The following PCDHA3 variants were observed in gnomAD, a reference collection of about 807,000 sequenced individuals.
PCDHA3 encodes protocadherin alpha-3.
In PCDHA3, 41 loss-of-function variants were observed where a neutral mutation model predicts 62.2. The ratio of observed to expected loss-of-function variants is 0.66; its 90% CI spans 0.51 to 0.86. The LOEUF (loss-of-function observed/expected upper bound fraction) is 0.86. Ranked by LOEUF, PCDHA3 falls within the 40% of genes least tolerant of loss-of-function variation. The pLI is 0.00. For synonymous variants in PCDHA3, 640 were observed against 555.4 expected, an observed-to-expected ratio of 1.15 and a Z score of -2.14; for missense variants, 1,304 against 1,241.2, an observed-to-expected ratio of 1.05 and a Z score of -0.76.
chr5:140,944,984 T>A (rs972607288), intron 1 of PCDHA3, among the ~76,000 whole-genome samples: 6 of 152,184 alleles, frequency 3.9e-5, no homozygotes, highest in Non-Finnish European at 8.8e-5. Context: ...GTGGGTCTAC[T>A]TCTGTAACGG....
chr5:140,978,424 T>C (rs1554239310), intron 1 of PCDHA3, among the ~76,000 whole-genome samples: 1 of 152,238 alleles, frequency 6.6e-6, no homozygotes, highest in African/African-American at 2.4e-5. Flanking sequence ...GAGACTGTTA[T>C]CAGTTGCTGG....
At chr5:140,831,310 A>G (rs1483260174) in intron 1 of PCDHA3, 1 of 152,080 alleles carries the variant, frequency 6.6e-6, no homozygotes, top group East Asian at 1.9e-4. Context: ...ATTTCTTTGT[A>G]TTAGTGTTTT....
At chr5:140,810,798 T>A (rs1554125570) in intron 1 of PCDHA3, 1 of 152,102 alleles carries the variant, frequency 6.6e-6, no homozygotes, top group Non-Finnish European at 1.5e-5. Context: ...TCATGGCTAG[T>A]TTTTAATTCT....
rs555901931 is a variant in PCDHA3 at position 140,802,464 on chromosome 5, C to T, written c.1267C>T (p.Leu423=). The T allele has an allele frequency of 1.5e-5, 24 of 1,614,212 alleles. No homozygotes were observed. In the East Asian group the frequency reaches 5.1e-4, roughly 34 times the overall value. The part of the protein sequence containing the change: ...LDRESVSAYE[L]VVTARDGGSP... The stretch of plus-strand genomic sequence containing the variant: ...CCGCGAGAGCGTGTCGGCCTATGAG[C>T]TGGTGGTGACTGCTCGGGACGGGGG... Residue 423 remains leucine (L), a synonymous_variant, in exon 1 of 4, where the codon CTG becomes TTG. Coordinates refer to ENST00000522353, the MANE Select transcript of PCDHA3 (RefSeq NM_018906.3).
chr5:140,917,874 C>T (rs1240832097), intron 1 of PCDHA3, among the ~76,000 whole-genome samples: 2 of 151,008 alleles, frequency 1.3e-5, no homozygotes, highest in African/African-American at 4.9e-5. Context: ...ACTATTTGGG[C>T]TCTTTTTTTT....
At chr5:140,976,424 G>A (rs2096715736) in intron 1 of PCDHA3, among the ~76,000 whole-genome samples, 1 of 152,114 alleles carries the variant, frequency 6.6e-6, no homozygotes, top group Non-Finnish European at 1.5e-5. Flanking sequence ...GGTGGCAGAT[G>A]CCTGTAATCC....
chr5:140,809,008 T>C (rs1581698926), intron 1 of PCDHA3: 2 of 1,613,616 alleles, frequency 1.2e-6, no homozygotes, highest in African/African-American at 2.7e-5. Context: ...ACGCGTGGCT[T>C]TCGTACGAGC....
At position 140,801,116 on chromosome 5, in the gene PCDHA3, A is replaced by G; in HGVS notation, c.-82A>G. On this transcript the variant is annotated 5_prime_UTR_variant, in exon 1 of 4. Transcript: ENST00000522353. ...TCTAAAATTTAACACCGAGGAGTTT[A>G]AGAAATGAAGATAAGGAACTCGAAT... The G allele has an allele frequency of 6.6e-7, 1 of 1,514,718 alleles. No individual in the cohort carries two copies. Among genetic ancestry groups the G allele is most frequent in the East Asian group, 2.3e-5 (1 of 44,162 alleles). 93.8% of individuals were successfully genotyped at this position (1,514,718 alleles called of 1,614,324 possible). A position where few individuals can be genotyped will look rare whatever the true frequency, so the allele number is the denominator to read the frequency against.
intron 1 of PCDHA3, chr5:140,852,582 A>ATTTT (rs527656692): frequency 1.2e-5 from 8 of 693,586 alleles, no homozygotes; most frequent in Non-Finnish European, 1.4e-5. Flanking sequence ...AGGCTTTTTT[A>ATTTT]TTTTTTTTTT....
chr5:140,942,108 A>C (rs2093230471), intron 1 of PCDHA3, among the ~76,000 whole-genome samples: 1 of 152,238 alleles, frequency 6.6e-6, no homozygotes. Context: ...TCATATAATC[A>C]AACTTTATTA....
At chr5:140,944,655 C>A (rs1045047658) in intron 1 of PCDHA3, among the ~76,000 whole-genome samples, 3 of 152,128 alleles carry the variant, frequency 2.0e-5, no homozygotes, top group Admixed American at 2.0e-4. Flanking sequence ...GGAGTCCATA[C>A]CCCTTATTTA....
chr5:140,848,251 T>A, intron 1 of PCDHA3: 1 of 465,844 alleles, frequency 2.1e-6, no homozygotes, highest in East Asian at 3.2e-5. Context: ...GCAGAATAAC[T>A]GTGAAATTTT....
intron 1 of PCDHA3, among the ~76,000 whole-genome samples, chr5:140,819,622 T>C (rs1235501785): frequency 1.3e-5 from 2 of 152,096 alleles, no homozygotes; most frequent in Non-Finnish European, 1.5e-5. Context: ...GAAATTCAGA[T>C]TGGATAATCT....
intron 3 of PCDHA3, among the ~76,000 whole-genome samples, chr5:140,988,745 G>A (rs943188955): frequency 3.9e-5 from 6 of 152,152 alleles, no homozygotes; most frequent in Non-Finnish European, 5.9e-5. Flanking sequence ...TCTAGGATTG[G>A]TGGCCTGGGC....
At chr5:140,846,654 A>T (rs941473250) in intron 1 of PCDHA3, among the ~76,000 whole-genome samples, 1 of 149,238 alleles carries the variant, frequency 6.7e-6, no homozygotes, top group African/African-American at 2.5e-5. Flanking sequence ...GATTACAGGC[A>T]TGAGCCACCG....
intron 2 of PCDHA3, among the ~76,000 whole-genome samples, chr5:140,980,947 G>T (rs1430215851): frequency 6.6e-6 from 1 of 152,032 alleles, no homozygotes; most frequent in Non-Finnish European, 1.5e-5. Context: ...GCTGGCTCCA[G>T]GATAGTTACA....
intron 1 of PCDHA3, among the ~76,000 whole-genome samples, chr5:140,946,679 C>T (rs556487333): frequency 4.1e-5 from 6 of 144,812 alleles, no homozygotes; most frequent in East Asian, 4.0e-4. Flanking sequence ...TCCTGTCATT[C>T]GTGACAATAT....
intron 1 of PCDHA3, chr5:140,927,653 G>A: frequency 6.2e-7 from 1 of 1,614,190 alleles, no homozygotes; most frequent in Non-Finnish European, 8.5e-7. Context: ...GTGTTATTCC[G>A]AGTTCAAGCC....
At chr5:140,827,999 G>C in intron 1 of PCDHA3, 1 of 1,484,116 alleles carries the variant, frequency 6.7e-7, no homozygotes, top group Non-Finnish European at 9.0e-7. Context: ...GATGGCGGAC[G>C]CAGAAGAAAT....
Sources: gnomAD v4.1 joint callset for allele counts (sites outside exome capture counted in the v4.1 genomes callset) on GRCh38, gnomAD v4.1.1 for gene constraint, MANE v1.5 for transcripts, NCBI Gene and HGNC (gene_info 2026-07-23, HGNC 2026-07-21) for gene names.